Variants in CBLC observed in about 807,000 individuals in gnomAD.
CBLC encodes the protein E3 ubiquitin-protein ligase CBL-C.
A neutral mutation model predicts 58.6 loss-of-function variants in CBLC; 46 were observed. That is an observed-to-expected ratio of 0.79 (90% CI 0.62 to 1.00). The LOEUF is 1.00. Among genes scored for constraint, CBLC ranks in the 50% least tolerant of loss-of-function variants. CBLC has a pLI of 0.00. For synonymous variants in CBLC, 271 were observed against 264.2 expected, an observed-to-expected ratio of 1.03 and a Z score of -0.25; for missense variants, 655 against 625.8, an observed-to-expected ratio of 1.05 and a Z score of -0.50.
At chr19:44,795,331 C>T (rs1415175589) in intron 9 of CBLC, among the ~76,000 whole-genome samples, 11 of 150,960 alleles carry the variant, frequency 7.3e-5, no homozygotes, top group Non-Finnish European at 1.6e-4. Flanking sequence ...GCCTGGGCAA[C>T]ATCACAAGAC....
intron 9 of CBLC, among the ~76,000 whole-genome samples, chr19:44,797,613 A>G (rs1599875683): frequency 1.5e-5 from 2 of 132,102 alleles, no homozygotes; most frequent in South Asian, 2.7e-4. Flanking sequence ...TGTCTAGCGG[A>G]GTGTGGTGGC....
Position 44,778,047 on chromosome 19 carries a change from T to G in CBLC, c.116T>G (p.Val39Gly). The change falls in exon 1 of 11, where the codon GTG (valine) becomes GGG (glycine). Residue 39 changes from valine (V) to glycine (G), a missense_variant. Around this residue, in one of 3 missense-constraint regions of CBLC, gnomAD observed 280 missense variants for 237.2 expected, o/e 1.18. Coordinates refer to ENST00000647358, the MANE Select transcript of CBLC (RefSeq NM_012116.4). The part of the protein sequence containing the change: ...EEQCVDPRLS[V>G]SPPSLRDLLP... Reference sequence around the variant, plus strand: ...CAATGCGTCGACCCCCGGCTGTCCGTGAGTCCCCCTTCGCTGCGGGACCTG... The same window carrying G: ...CAATGCGTCGACCCCCGGCTGTCCGGGAGTCCCCCTTCGCTGCGGGACCTG... The G allele has an allele frequency of 6.2e-7, 1 of 1,609,138 alleles. No homozygotes were observed. The highest frequency in any genetic ancestry group is 8.5e-7 in the Non-Finnish European group (1 of 1,179,634).
At chr19:44,792,714 G>GT (rs1277188332) in intron 7 of CBLC, among the ~76,000 whole-genome samples, 200 bp downstream of exon 7, 1 of 152,158 alleles carries the variant, frequency 6.6e-6, no homozygotes, top group African/African-American at 2.4e-5. Flanking sequence ...CGCTGCCTCT[G>GT]TTTCTCCCTC....
intron 5 of CBLC, among the ~76,000 whole-genome samples, chr19:44,785,401 C>T (rs908375645): frequency 2.6e-5 from 4 of 151,810 alleles, no homozygotes; most frequent in Admixed American, 6.6e-5. Flanking sequence ...CCACTGTGCC[C>T]GGCCAGGAAG....
chr19:44,787,190 G>A (rs1044227607), intron 5 of CBLC, among the ~76,000 whole-genome samples: 2 of 151,870 alleles, frequency 1.3e-5, no homozygotes, highest in Admixed American at 1.3e-4. Flanking sequence ...CCAGGAGATC[G>A]AGACCATCTT....
In CBLC at chr19:44,780,915, G is replaced by T. The variant is rs142893738; in HGVS notation, c.364G>T (p.Ala122Ser). 12 of 1,612,224 alleles carry T rather than the reference G, an allele frequency of 7.4e-6. No individual in the cohort carries two copies. The African/African-American group carries it at 1.5e-4, about 20-fold the overall frequency. Residue 122 changes from alanine to serine, a missense_variant, in exon 2 of 11, where the codon GCC (alanine) becomes TCC (serine). Coordinates refer to ENST00000647358, the MANE Select transcript of CBLC (RefSeq NM_012116.4). ...RAGSRLRRQL[A>S]KLAIIFSHMH... is the part of the protein sequence containing the mutation. ...TGCCCATCCCCACAGGCGACAGCTG[G>T]CCAAGCTGGCCATCATCTTCAGCCA... is the stretch of plus-strand genomic sequence containing the variant.
Position 44,778,223 on chromosome 19 carries a change from C to T in CBLC, c.292C>T (p.Leu98=). ...EAKSRQVAAL[L]PPRGRRSAND... ...CAAGAGCAGGCAGGTGGCCGCGCTG[C>T]TGCCTCCCCGGGGCCGAAGGAGTGC... is the stretch of plus-strand genomic sequence containing the variant. Residue 98 remains leucine, a synonymous_variant, in exon 1 of 11, where the codon CTG becomes TTG. Transcript: ENST00000647358. The T allele has an allele frequency of 1.4e-6, 2 of 1,473,176 alleles. No homozygotes were observed. Among genetic ancestry groups the T allele is most frequent in the Non-Finnish European group, 9.0e-7 (1 of 1,113,410 alleles). 91.3% of individuals were successfully genotyped at this position (1,473,176 alleles called of 1,614,324 possible).
intron 9 of CBLC, among the ~76,000 whole-genome samples, chr19:44,794,878 T>C (rs1318130309): frequency 1.3e-5 from 2 of 151,916 alleles, no homozygotes; most frequent in Non-Finnish European, 2.9e-5. Flanking sequence ...TCCCATCCCT[T>C]TTCAGGGAGG....
intron 5 of CBLC, among the ~76,000 whole-genome samples, chr19:44,786,363 G>A (rs962221498): frequency 2.0e-5 from 3 of 151,548 alleles, no homozygotes; most frequent in Non-Finnish European, 2.9e-5. Flanking sequence ...ACACCGAGTC[G>A]CGCAGAACAC....
chr19:44,794,193 TCCCACCCCAGGTG>T lies in CBLC; in HGVS notation c.1285-7_1290del. 6.2e-7 allele frequency: 1 copy of T among 1,602,706 alleles called. No individual in the cohort carries two copies. Among genetic ancestry groups the T allele is most frequent in the South Asian group, 1.1e-5 (1 of 89,506 alleles). On this transcript the variant is annotated splice_acceptor_variant and splice_polypyrimidine_tract_variant and coding_sequence_variant and intron_variant, in exon 9 of 11. Coordinates refer to ENST00000647358, the MANE Select transcript of CBLC (RefSeq NM_012116.4). LOFTEE classifies it high-confidence loss of function. ...TCACAAGCCCCTTCTCCTTCCTCTG[TCCCACCCCAGGTG>T]CCCCTTTCGGCTCCTCCATTGCCCC...
intron 3 of CBLC, 39 bp from the exon 4 acceptor site, chr19:44,782,331 C>CCTAAGTAGT: frequency 3.7e-6 from 6 of 1,612,098 alleles, no homozygotes; most frequent in Non-Finnish European, 5.1e-6. Flanking sequence ...TGAGCTGCTT[C>CCTAAGTAGT]CCTGGTCGCT....
chr19:44,780,915 G>A lies in CBLC; in HGVS notation c.364G>A (p.Ala122Thr). 6.2e-7 allele frequency: 1 copy of A among 1,612,344 alleles called. No individual in the cohort carries two copies. The highest frequency in any genetic ancestry group is 8.5e-7 in the Non-Finnish European group (1 of 1,179,970). Residue 122 changes from alanine to threonine, a missense_variant, in exon 2 of 11, where the codon GCC becomes ACC. Physicochemically the swap from Ala to Thr is moderately conservative, Grantham distance 58. This residue lies in a region of CBLC where 280 missense variants were observed against 237.2 expected (regional missense o/e 1.18). Transcript: ENST00000647358. ...TGCCCATCCCCACAGGCGACAGCTGGCCAAGCTGGCCATCATCTTCAGCCA... is the reference window on the plus strand; with the variant it reads ...TGCCCATCCCCACAGGCGACAGCTGACCAAGCTGGCCATCATCTTCAGCCA... ...RAGSRLRRQL[A>T]KLAIIFSHMH...
intron 5 of CBLC, 84 bp from the exon 6 acceptor site, chr19:44,789,920 C>T (rs1329346423): frequency 2.2e-6 from 2 of 891,898 alleles, no homozygotes; most frequent in East Asian, 4.8e-5. Context: ...AATATGGGGC[C>T]CTGTAGGGGG....
chr19:44,786,744 A>G (rs114379862), intron 5 of CBLC, among the ~76,000 whole-genome samples: 3,168 of 152,324 alleles, frequency 0.021, 100 homozygotes, highest in African/African-American at 0.07. Context: ...CATAAGACAC[A>G]TCACAGCCTT....
intron 5 of CBLC, among the ~76,000 whole-genome samples, chr19:44,788,370 C>A (rs1185223246): frequency 6.6e-6 from 1 of 151,956 alleles, no homozygotes; most frequent in South Asian, 2.1e-4. Context: ...AAGCAATCCT[C>A]CCGCCTCAGC....
intron 7 of CBLC, among the ~76,000 whole-genome samples, 168 bp downstream of exon 7, chr19:44,792,682 T>G (rs1968086075): frequency 6.6e-6 from 1 of 152,194 alleles, no homozygotes; most frequent in East Asian, 1.9e-4. Context: ...CCAGGGCCTC[T>G]GGTTCCATCC....
chr19:44,788,184 G>A (rs1967959554), intron 5 of CBLC, among the ~76,000 whole-genome samples: 1 of 151,850 alleles, frequency 6.6e-6, no homozygotes, highest in Non-Finnish European at 1.5e-5. Flanking sequence ...ACATGAACAC[G>A]GCTCACTGCT....
At chr19:44,780,379 A>G (rs934135190) in intron 1 of CBLC, among the ~76,000 whole-genome samples, 1 of 149,226 alleles carries the variant, frequency 6.7e-6, no homozygotes, top group Non-Finnish European at 1.5e-5. Flanking sequence ...CAAGTGATCC[A>G]CCCACCTCAG....
intron 3 of CBLC, among the ~76,000 whole-genome samples, chr19:44,781,788 A>G (rs921140086): frequency 3.4e-4 from 8 of 23,668 alleles, no homozygotes; most frequent in East Asian, 1.2e-3. Context: ...AGGGGGCTGG[A>G]GACCTGGACT....
Sources: allele counts gnomAD v4.1 joint callset (sites outside exome capture counted in the v4.1 genomes callset), GRCh38; gene constraint gnomAD v4.1.1; regional missense constraint gnomAD v4.1.1; transcripts MANE v1.5; gene names NCBI Gene and HGNC (gene_info 2026-07-23, HGNC 2026-07-21).